HSPA12B: variants seen among roughly 807,000 people sequenced by gnomAD.
HSPA12B encodes heat shock protein family A (Hsp70) member 12B, also known as heat shock 70 kDa protein 12B.
Under a neutral mutation model 69.3 loss-of-function variants are expected in HSPA12B, and 54 were observed. The ratio of observed to expected loss-of-function variants is 0.78; its 90% CI spans 0.63 to 0.98. The LOEUF (loss-of-function observed/expected upper bound fraction) is 0.98, where lower values mean the gene tolerates loss of function less well. Ranked by LOEUF, HSPA12B falls within the 50% of genes least tolerant of loss-of-function variation. The pLI, the probability that HSPA12B is intolerant of heterozygous loss-of-function variation, is 0.00. For missense variants in HSPA12B, 929 were observed against 999.8 expected (o/e 0.93, Z 0.96); for synonymous variants, 441 against 436.5 (o/e 1.01, Z -0.13).
At chr20:3,738,770 C>T in intron 2 of HSPA12B, 53 bp downstream of exon 2, 1 of 1,585,290 alleles carries the variant, frequency 6.3e-7, no homozygotes, top group South Asian at 1.1e-5. Flanking sequence ...CCCGAGCAGG[C>T]ACTGAGACCC....
At chr20:3,734,576 C>A (rs1422854468) in intron 1 of HSPA12B, among the ~76,000 whole-genome samples, 1 of 152,150 alleles carries the variant, frequency 6.6e-6, no homozygotes, top group Non-Finnish European at 1.5e-5. Flanking sequence ...CAGCTGTGGA[C>A]TCTGCCCAGA....
chr20:3,751,255 G>T (rs2088414594), intron 12 of HSPA12B: 1 of 985,458 alleles, frequency 1.0e-6, no homozygotes, highest in Non-Finnish European at 1.2e-6. Context: ...CGTGTAAAAT[G>T]CATATCCTTA....
chr20:3,747,673 C>T (rs2088330475), intron 7 of HSPA12B, among the ~76,000 whole-genome samples: 1 of 152,224 alleles, frequency 6.6e-6, no homozygotes, highest in Non-Finnish European at 1.5e-5. Flanking sequence ...TTTCAGCTTC[C>T]TCCCTGCTGT....
intron 12 of HSPA12B, 90 bp downstream of exon 12, chr20:3,750,997 C>A: frequency 9.4e-7 from 1 of 1,061,858 alleles, no homozygotes; most frequent in Non-Finnish European, 1.5e-6. Flanking sequence ...GATACCTCCA[C>A]ACATCCATAC....
intron 11 of HSPA12B, 98 bp from the exon 12 acceptor site, chr20:3,750,706 C>T (rs2088402398): frequency 1.9e-6 from 3 of 1,595,800 alleles, no homozygotes; most frequent in African/African-American, 2.7e-5. Flanking sequence ...GGCACTTCTG[C>T]CTGGAGGCAG....
At chr20:3,742,133 G>C in intron 3 of HSPA12B, 151 bp from the exon 4 acceptor site, 1 of 1,125,912 alleles carries the variant, frequency 8.9e-7, no homozygotes, top group Middle Eastern at 3.1e-4. Flanking sequence ...AGCCCGAGCA[G>C]GTGGGCAGGT....
In HSPA12B at chr20:3,751,939, G is replaced by A. The variant is rs1455071679; in HGVS notation, c.1834G>A (p.Ala612Thr). ...RRVLINLYCC[A>T]AEDARFITDP... Reference sequence around the variant, plus strand: ...CGTACTCATCAACCTGTACTGCTGCGCGGCAGAGGATGCGCGCTTCATCAC... The same window carrying A: ...CGTACTCATCAACCTGTACTGCTGCACGGCAGAGGATGCGCGCTTCATCAC... Residue 612 changes from alanine (A) to threonine (T), a missense_variant, in exon 13 of 13, where the codon GCG becomes ACG. By Grantham distance (58) the Ala-to-Thr change is moderately conservative. Around this residue, in one of 3 missense-constraint regions of HSPA12B, gnomAD observed 448 missense variants for 448.1 expected, o/e 1.00. Transcript: ENST00000254963. 5 of 1,587,262 alleles carry A rather than the reference G, an allele frequency of 3.2e-6. No homozygotes were observed. The highest frequency in any genetic ancestry group is 1.4e-5 in the African/African-American group (1 of 73,928).
Position 3,745,093 on chromosome 20 carries a change from G to A in HSPA12B, c.453+5G>A. 4 of 1,611,586 alleles carry A rather than the reference G, an allele frequency of 2.5e-6. No homozygotes were observed. The East Asian group carries it at 8.9e-5, about 36-fold the overall frequency. On this transcript the variant is annotated splice_donor_5th_base_variant and intron_variant, in intron 5 of 12. Coordinates refer to ENST00000254963, the MANE Select transcript of HSPA12B (RefSeq NM_052970.5). The surrounding 1 kb of genome is among the most constrained non-coding windows in gnomAD (Gnocchi z 5.6). Reference sequence around the variant, plus strand: ...ATGAAGATCCACAGCGCCACGGTGAGTCACAGGGCTCCAGACAGGGAGGCG... The same window carrying A: ...ATGAAGATCCACAGCGCCACGGTGAATCACAGGGCTCCAGACAGGGAGGCG...
rs1391745647 is a variant in HSPA12B at position 3,732,704 on chromosome 20, G to A, written c.-108G>A. ...GGCCTCAGGGCCGGGCGCACGTCGA[G>A]GGCTGCGGCCGCCGCAGCGGGCACG... On this transcript the variant is annotated 5_prime_UTR_variant, in exon 1 of 13. Transcript: ENST00000254963. 6.6e-6 allele frequency: 1 copy of A among 151,610 alleles called. No individual in the cohort carries two copies. Among genetic ancestry groups the A allele is most frequent in the Non-Finnish European group, 1.5e-5 (1 of 67,694 alleles). 9.4% of individuals were successfully genotyped at this position (151,610 alleles called of 1,614,324 possible). A position where few individuals can be genotyped will look rare whatever the true frequency, so the allele number is the denominator to read the frequency against.
intron 3 of HSPA12B, 108 bp from the exon 4 acceptor site, chr20:3,742,174 CCA>C: frequency 1.3e-6 from 2 of 1,509,060 alleles, no homozygotes; most frequent in Non-Finnish European, 1.8e-6. Flanking sequence ...CTGGTCTGGA[CCA>C]CAGTCAGTGG....
chr20:3,748,514 A>G, intron 8 of HSPA12B, 123 bp downstream of exon 8: 2 of 934,562 alleles, frequency 2.1e-6, no homozygotes, highest in African/African-American at 1.7e-5. Context: ...CAATTTGAGC[A>G]GGCAGAAACA....
At chr20:3,741,590 A>G (rs2088204172) in intron 3 of HSPA12B, among the ~76,000 whole-genome samples, 1 of 152,170 alleles carries the variant, frequency 6.6e-6, no homozygotes, top group Non-Finnish European at 1.5e-5. Flanking sequence ...CCAAGATCGC[A>G]CCACTGCATT....
chr20:3,751,446 GCT>G (rs1226127261), intron 12 of HSPA12B, 63 bp from the exon 13 acceptor site: 1 of 1,360,518 alleles, frequency 7.4e-7, no homozygotes, highest in Admixed American at 3.6e-5. Flanking sequence ...GGCCTCAGTG[GCT>G]CTCTCTCCCC....
chr20:3,748,436 G>C (rs751457589), intron 8 of HSPA12B, 45 bp downstream of exon 8: 22 of 1,446,108 alleles, frequency 1.5e-5, no homozygotes, highest in Non-Finnish European at 1.9e-5. Flanking sequence ...AGGGTCAGAG[G>C]GTCACTGAAG....
At position 3,751,495 on chromosome 20, in the gene HSPA12B, C is replaced by A. The variant is rs1248222266; in HGVS notation, c.1406-16C>A. 2 of 1,396,234 alleles carry A rather than the reference C, an allele frequency of 1.4e-6. No homozygotes were observed. The highest frequency in any genetic ancestry group is 2.8e-5 in the East Asian group (1 of 35,884). 86.5% of individuals were successfully genotyped at this position (1,396,234 alleles called of 1,614,324 possible). A position where few individuals can be genotyped will look rare whatever the true frequency, so the allele number is the denominator to read the frequency against. The stretch of plus-strand genomic sequence containing the variant: ...CTCTGCCCCCTTCACCCGCGTCCCC[C>A]CGTCCTGTCCCGCAGAGGCCCTGCT... On this transcript the variant is annotated splice_polypyrimidine_tract_variant and intron_variant, in intron 12 of 12. Coordinates refer to ENST00000254963, the MANE Select transcript of HSPA12B (RefSeq NM_052970.5).
intron 4 of HSPA12B, among the ~76,000 whole-genome samples, chr20:3,743,210 G>T (rs1464318450): frequency 7.4e-6 from 1 of 135,310 alleles, no homozygotes; most frequent in Admixed American, 7.6e-5. Context: ...TTGAGACAGG[G>T]TCTCGCTCTG....
intron 1 of HSPA12B, among the ~76,000 whole-genome samples, chr20:3,733,872 G>T (rs1482445033): frequency 6.6e-6 from 1 of 152,210 alleles, no homozygotes; most frequent in African/African-American, 2.4e-5. Flanking sequence ...GGAATGACCT[G>T]GGTGGGCTCT....
At chr20:3,743,486 C>G (rs2088243373) in intron 4 of HSPA12B, among the ~76,000 whole-genome samples, 1 of 152,110 alleles carries the variant, frequency 6.6e-6, no homozygotes, top group Non-Finnish European at 1.5e-5. Flanking sequence ...CGTGAGCCAC[C>G]ATGCCCAGCC....
rs918709355 is a variant in HSPA12B at position 3,740,300 on chromosome 20, C to A, written c.44-515C>A. On this transcript the variant is annotated intron_variant, in intron 2 of 12. Transcript: ENST00000254963. The surrounding 1 kb of genome is among the most constrained non-coding windows in gnomAD (Gnocchi z 4.9). ...TGGGCCTGTCTGTGGCCCTTGTGGG[C>A]ATGGGAGCTGCAGAGTTCCCTCAAG... Among the ~76,000 whole-genome samples the A allele has an allele frequency of 2.0e-5, 3 of 152,168 alleles. No homozygotes were observed. Among genetic ancestry groups the A allele is most frequent in the African/African-American group, 7.2e-5 (3 of 41,440 alleles).
Sources: allele counts gnomAD v4.1 joint callset (sites outside exome capture counted in the v4.1 genomes callset), GRCh38; gene constraint gnomAD v4.1.1; regional missense constraint gnomAD v4.1.1; non-coding constraint Gnocchi (gnomAD v3.1); transcripts MANE v1.5; gene names NCBI Gene and HGNC (gene_info 2026-07-23, HGNC 2026-07-21).